Variants in DPP6 observed in about 807,000 individuals in gnomAD.
DPP6 encodes A-type potassium channel modulatory protein DPP6.
Under a neutral mutation model 122.6 loss-of-function variants are expected in DPP6, and 69 were observed. The observed-to-expected ratio is 0.56, with a 90% CI of 0.46 to 0.69. DPP6 has a LOEUF of 0.69. Among genes scored for constraint, DPP6 ranks in the 30% least tolerant of loss-of-function variants. The pLI, the probability that DPP6 is intolerant of heterozygous loss-of-function variation, is 0.00. For synonymous variants in DPP6, 418 were observed against 433.1 expected (o/e 0.97, Z 0.43); for missense variants, 928 against 1,116.9 (o/e 0.83, Z 2.41).
At chr7:154,226,178 A>G (rs1348585669) in intron 1 of DPP6, among the ~76,000 whole-genome samples, 1 of 152,170 alleles carries the variant, frequency 6.6e-6, no homozygotes, top group Non-Finnish European at 1.5e-5. Flanking sequence ...CTGAAGGAAG[A>G]TGAGAGGGAA....
intron 1 of DPP6, chr7:154,305,267 G>A: frequency 1.5e-6 from 2 of 1,300,550 alleles, no homozygotes; most frequent in Non-Finnish European, 2.0e-6. Flanking sequence ...GCCCCACTAA[G>A]CAGCGGCAGC....
intron 1 of DPP6, among the ~76,000 whole-genome samples, chr7:154,254,533 T>G (rs912463829): frequency 6.6e-6 from 1 of 152,150 alleles, no homozygotes; most frequent in African/African-American, 2.4e-5. Flanking sequence ...AGTTCTGAGA[T>G]GGAGATGCAC....
At chr7:154,353,274 G>A (rs939380812) in intron 1 of DPP6, among the ~76,000 whole-genome samples, 2 of 152,148 alleles carry the variant, frequency 1.3e-5, no homozygotes, top group African/African-American at 2.4e-5. Flanking sequence ...CTCCGTGAAC[G>A]GCAGTTATTT....
chr7:154,728,013 G>T, intron 8 of DPP6, 126 bp downstream of exon 8: 1 of 1,443,440 alleles, frequency 6.9e-7, no homozygotes, highest in Non-Finnish European at 9.2e-7. Flanking sequence ...TTGAGGTTCT[G>T]CAAAATTTAA....
At chr7:153,962,282 A>G (rs904383817) in intron 1 of DPP6, among the ~76,000 whole-genome samples, 1 of 152,098 alleles carries the variant, frequency 6.6e-6, no homozygotes, top group Non-Finnish European at 1.5e-5. Flanking sequence ...GGCCTATTTT[A>G]AATCCTTATC....
rs539316299 is a variant in DPP6 at position 154,716,715 on chromosome 7, T to C, written c.763-11052T>C. ...AGCATTTTTTTTTTCTCCTGAATGGTTTTCAAGATAGCTCAATATATTATG... is the reference window on the plus strand; with the variant it reads ...AGCATTTTTTTTTTCTCCTGAATGGCTTTCAAGATAGCTCAATATATTATG... On this transcript the variant is annotated intron_variant, in intron 7 of 25. Transcript: ENST00000377770. Among the ~76,000 whole-genome samples the C allele has an allele frequency of 5.9e-5, 9 of 152,014 alleles. No individual in the cohort carries two copies. The East Asian group carries it at 1.5e-3, about 26-fold the overall frequency.
At chr7:154,367,408 A>G (rs998306196) in intron 1 of DPP6, among the ~76,000 whole-genome samples, 3 of 152,156 alleles carry the variant, frequency 2.0e-5, no homozygotes, top group Admixed American at 6.5e-5. Flanking sequence ...TATTTTTTCT[A>G]GTCTGGCTTT....
At chr7:154,522,003 C>T (rs897938568) in intron 3 of DPP6, among the ~76,000 whole-genome samples, 2 of 151,916 alleles carry the variant, frequency 1.3e-5, no homozygotes, top group African/African-American at 4.8e-5. Context: ...CTTGCTCTGT[C>T]CCGCAGGCTG....
rs527896672 is a variant in DPP6 at position 154,222,647 on chromosome 7, C to T, written c.243+169584C>T. On this transcript the variant is annotated intron_variant, in intron 1 of 25. Transcript: ENST00000377770. ...TCCAGCCTGGGCAACAAGAGTGAAA[C>T]TCTGTCTCAAAAATAAATAAAATAA... Among the ~76,000 whole-genome samples, 6 of 149,374 alleles carry T rather than the reference C, an allele frequency of 4.0e-5. 1 individual carries two copies. The highest frequency in any genetic ancestry group is 1.3e-4 in the African/African-American group (5 of 39,274).
chr7:154,765,943 A>G (rs955958620), intron 8 of DPP6, among the ~76,000 whole-genome samples: 2 of 152,346 alleles, frequency 1.3e-5, no homozygotes, highest in African/African-American at 4.8e-5. Flanking sequence ...CAACTGCCTC[A>G]TTAAGCTGGA....
intron 1 of DPP6, among the ~76,000 whole-genome samples, chr7:154,127,652 G>GACACACACACACAGACACAC (rs1808025646): frequency 5.1e-5 from 4 of 79,106 alleles, no homozygotes; most frequent in Admixed American, 1.4e-4. Flanking sequence ...CACACACACA[G>GACACACACACACAGACACAC]ACACACACAC....
Position 154,727,760 on chromosome 7 carries a change from A to T in DPP6, c.763-7A>T. ...TAATATTATGCTTTTTTCTCTTTCCAAATTAGATATTTATTTTTGAAAACA... is the reference window on the plus strand; with the variant it reads ...TAATATTATGCTTTTTTCTCTTTCCTAATTAGATATTTATTTTTGAAAACA... On this transcript the variant is annotated splice_polypyrimidine_tract_variant and splice_region_variant and intron_variant, in intron 7 of 25. Coordinates refer to ENST00000377770, the MANE Select transcript of DPP6 (RefSeq NM_130797.4). 6.2e-7 allele frequency: 1 copy of T among 1,606,310 alleles called. No homozygotes were observed. The highest frequency in any genetic ancestry group is 8.5e-7 in the Non-Finnish European group (1 of 1,175,792).
chr7:154,848,849 A>T (rs758440703), intron 16 of DPP6, among the ~76,000 whole-genome samples: 7 of 151,990 alleles, frequency 4.6e-5, no homozygotes, highest in Non-Finnish European at 1.0e-4. Context: ...AAGGAGTGAG[A>T]TAAGAGTCCA....
chr7:154,356,869 AC>A (rs1374745090), intron 1 of DPP6, among the ~76,000 whole-genome samples: 13 of 152,326 alleles, frequency 8.5e-5, no homozygotes, highest in African/African-American at 1.7e-4. Flanking sequence ...AATTAAAAAA[AC>A]ATGGGAAGGC....
chr7:154,546,063 TAATAC>T (rs749451729), intron 4 of DPP6, among the ~76,000 whole-genome samples: 2 of 152,142 alleles, frequency 1.3e-5, no homozygotes, highest in Non-Finnish European at 2.9e-5. Flanking sequence ...CATTATTTGT[TAATAC>T]AATAGTGAAA....
chr7:154,688,882 C>T (rs1839780976), intron 7 of DPP6, among the ~76,000 whole-genome samples: 1 of 152,178 alleles, frequency 6.6e-6, no homozygotes, highest in Non-Finnish European at 1.5e-5. Context: ...ATCAAGTTGA[C>T]ACTCAGTATT....
intron 1 of DPP6, among the ~76,000 whole-genome samples, chr7:154,179,717 C>T (rs1181273703): frequency 6.6e-6 from 1 of 152,196 alleles, no homozygotes; most frequent in African/African-American, 2.4e-5. Context: ...GTGTCACTTT[C>T]ATCTTTGTAA....
chr7:154,802,769 G>A (rs1486279893), intron 13 of DPP6, among the ~76,000 whole-genome samples: 1 of 151,532 alleles, frequency 6.6e-6, no homozygotes, highest in Admixed American at 6.6e-5. Flanking sequence ...CCCGGGAGGC[G>A]GAGGCTGCAG....
chr7:153,926,655 G>C (rs1232159316), intron 1 of DPP6, among the ~76,000 whole-genome samples: 2 of 151,746 alleles, frequency 1.3e-5, no homozygotes, highest in East Asian at 3.8e-4. Context: ...ATGATGCAAA[G>C]AACCCAAGAA....
Sources: gnomAD v4.1 joint callset for allele counts (sites outside exome capture counted in the v4.1 genomes callset) on GRCh38, gnomAD v4.1.1 for gene constraint, MANE v1.5 for transcripts, NCBI Gene and HGNC (gene_info 2026-07-23, HGNC 2026-07-21) for gene names.